Variants in LMBR1 observed in about 807,000 individuals in gnomAD.
LMBR1 encodes the protein limb development membrane protein 1, also known as limb region 1 protein homolog.
In LMBR1, 52 loss-of-function variants were observed where a neutral mutation model predicts 73.9. The observed-to-expected ratio is 0.70, with a 90% CI of 0.56 to 0.89. The LOEUF (loss-of-function observed/expected upper bound fraction) is 0.89, where lower values mean the gene tolerates loss of function less well. Among genes scored for constraint, LMBR1 ranks in the 40% least tolerant of loss-of-function variants. The pLI is 0.00. For synonymous variants in LMBR1, 215 were observed against 209.4 expected (o/e 1.03, Z -0.23); for missense variants, 539 against 579.8 (o/e 0.93, Z 0.72).
chr7:156,861,789 T>A (rs1797757039), intron 1 of LMBR1, among the ~76,000 whole-genome samples: 1 of 152,208 alleles, frequency 6.6e-6, no homozygotes, highest in Admixed American at 6.5e-5. Flanking sequence ...CCAATCTCTT[T>A]TCTAAAACAT....
chr7:156,811,042 C>T (rs1187048176), intron 4 of LMBR1, among the ~76,000 whole-genome samples: 4 of 151,824 alleles, frequency 2.6e-5, no homozygotes, highest in African/African-American at 9.7e-5. Flanking sequence ...AACTCCCGAC[C>T]TCAGGTGATC....
At chr7:156,699,815 T>C (rs1809225817) in intron 15 of LMBR1, among the ~76,000 whole-genome samples, 1 of 152,190 alleles carries the variant, frequency 6.6e-6, no homozygotes, top group Non-Finnish European at 1.5e-5. Context: ...TCATCATCAC[T>C]GGCCATCAGA....
At chr7:156,825,445 C>T (rs1346206655) in intron 4 of LMBR1, among the ~76,000 whole-genome samples, 1 of 152,090 alleles carries the variant, frequency 6.6e-6, no homozygotes, top group African/African-American at 2.4e-5. Flanking sequence ...ATTACAAAAT[C>T]TTAACAAAGA....
intron 5 of LMBR1, among the ~76,000 whole-genome samples, chr7:156,767,290 G>C (rs1278768766): frequency 6.6e-6 from 1 of 152,106 alleles, no homozygotes; most frequent in Non-Finnish European, 1.5e-5. Context: ...ACTGTGAAGT[G>C]ACTGCACGGA....
At chr7:156,698,888 C>G (rs1384785405) in intron 15 of LMBR1, among the ~76,000 whole-genome samples, 1 of 152,208 alleles carries the variant, frequency 6.6e-6, no homozygotes, top group Non-Finnish European at 1.5e-5. Flanking sequence ...AAAATGGAAT[C>G]TTCTTTTCTA....
chr7:156,754,121 A>G (rs1821418601), intron 9 of LMBR1, among the ~76,000 whole-genome samples: 2 of 152,222 alleles, frequency 1.3e-5, no homozygotes, highest in South Asian at 4.1e-4. Context: ...CTTATTCAGG[A>G]TACCAATTAA....
At chr7:156,891,885 C>T (rs991804034) in intron 1 of LMBR1, among the ~76,000 whole-genome samples, 4 of 152,280 alleles carry the variant, frequency 2.6e-5, no homozygotes, top group African/African-American at 9.6e-5. Context: ...CAAAGTGATT[C>T]TCAATTTTCA....
chr7:156,676,239 G>GTT, downstream of LMBR1: 1 of 1,490,190 alleles, frequency 6.7e-7, no homozygotes, highest in South Asian at 1.2e-5. Context: ...CAGAGTATAT[G>GTT]TGTGTGTATA....
chr7:156,751,041 T>C (rs1050816596), intron 9 of LMBR1, among the ~76,000 whole-genome samples: 1 of 152,030 alleles, frequency 6.6e-6, no homozygotes, highest in Non-Finnish European at 1.5e-5. Flanking sequence ...GCCCGGGAGG[T>C]TGAGGCCACA....
chr7:156,837,353 T>C (rs1282500173), intron 1 of LMBR1, among the ~76,000 whole-genome samples: 1 of 143,282 alleles, frequency 7.0e-6, no homozygotes, highest in Non-Finnish European at 1.5e-5. Context: ...AAAAAAAAAG[T>C]GTTAATAAAA....
intron 15 of LMBR1, 127 bp downstream of exon 15, chr7:156,723,985 G>T (rs532166225): frequency 3.6e-4 from 238 of 657,244 alleles, no homozygotes; most frequent in Non-Finnish European, 5.8e-4. Context: ...AAGTAAAAGT[G>T]TAAAATAATG....
intron 1 of LMBR1, among the ~76,000 whole-genome samples, chr7:156,881,530 A>G (rs1307371727): frequency 6.6e-6 from 1 of 152,236 alleles, no homozygotes; most frequent in Non-Finnish European, 1.5e-5. Context: ...AAAGTAGACA[A>G]TCAACATAGT....
intron 4 of LMBR1, among the ~76,000 whole-genome samples, chr7:156,804,987 G>A (rs1217702231): frequency 6.6e-6 from 1 of 151,998 alleles, no homozygotes; most frequent in Non-Finnish European, 1.5e-5. Flanking sequence ...TTAAGTCGAT[G>A]ATCCCTTGAG....
chr7:156,782,221 T>A (rs1417933104), intron 5 of LMBR1, among the ~76,000 whole-genome samples: 2 of 152,244 alleles, frequency 1.3e-5, no homozygotes, highest in Non-Finnish European at 2.9e-5. Flanking sequence ...TTATTCATCA[T>A]ACACAGTTGG....
chr7:156,808,109 A>C (rs553530418), intron 4 of LMBR1, among the ~76,000 whole-genome samples: 42 of 152,288 alleles, frequency 2.8e-4, no homozygotes, highest in African/African-American at 9.6e-4. Flanking sequence ...TGTTCTATAA[A>C]TGTTAATTAG....
rs773248689 is a variant in LMBR1, at chr7:156,728,666, A to AT, written c.892dup (p.Met298AsnfsTer7). 1 of 1,600,542 alleles carries AT rather than the reference A, an allele frequency of 6.2e-7. No individual in the cohort carries two copies. ...TACTGTCTCAATAAGAAGGAGAACC[A>AT]TAACAGCGGGATACACCAAATTTCT... is the stretch of plus-strand genomic sequence containing the variant. On this transcript the variant is annotated frameshift_variant, in exon 11 of 17. Transcript: ENST00000353442. LOFTEE classifies it high-confidence loss of function.
intron 5 of LMBR1, among the ~76,000 whole-genome samples, chr7:156,787,235 A>G (rs1828279008): frequency 6.6e-6 from 1 of 152,086 alleles, no homozygotes; most frequent in South Asian, 2.1e-4. Context: ...GTCCCACGTT[A>G]CCTTGTGACC....
intron 1 of LMBR1, among the ~76,000 whole-genome samples, chr7:156,866,605 A>ATT (rs112143582): frequency 0.095 from 13,122 of 137,680 alleles, 662 homozygotes; most frequent in South Asian, 0.12. Context: ...TTTTCTGGGG[A>ATT]TTTTTTTTTT....
downstream of LMBR1, among the ~76,000 whole-genome samples, chr7:156,673,967 C>G (rs896927493): frequency 2.0e-5 from 3 of 151,668 alleles, no homozygotes; most frequent in Non-Finnish European, 2.9e-5. Flanking sequence ...ATATTTGAAA[C>G]CTGGACAGTC....
Sources: allele counts gnomAD v4.1 joint callset (sites outside exome capture counted in the v4.1 genomes callset), GRCh38; gene constraint gnomAD v4.1.1; transcripts MANE v1.5; gene names NCBI Gene and HGNC (gene_info 2026-07-23, HGNC 2026-07-21).